Variants in DLGAP1 observed in about 807,000 individuals in gnomAD.
DLGAP1 encodes DLG associated protein 1, also known as disks large-associated protein 1.
A neutral mutation model predicts 90.8 loss-of-function variants in DLGAP1; 11 were observed. The ratio of observed to expected loss-of-function variants is 0.12; its 90% CI spans 0.08 to 0.20. The LOEUF is 0.20. Ranked by LOEUF, DLGAP1 falls within the 10% of genes least tolerant of loss-of-function variation. The pLI is 1.00. For synonymous variants in DLGAP1, 558 were observed against 540.7 expected (o/e 1.03, Z -0.44); for missense variants, 1,050 against 1,333.8 (o/e 0.79, Z 3.31).
At chr18:4,203,111 T>C (rs1027869087) in intron 1 of DLGAP1, among the ~76,000 whole-genome samples, 5 of 152,030 alleles carry the variant, frequency 3.3e-5, no homozygotes, top group Admixed American at 6.6e-5. Context: ...CTGTCTCTAC[T>C]AAAAATACAA....
At chr18:3,807,830 C>CT (rs2148382964) in intron 5 of DLGAP1, among the ~76,000 whole-genome samples, 1 of 152,298 alleles carries the variant, frequency 6.6e-6, no homozygotes, top group East Asian at 1.9e-4. Flanking sequence ...ATTCTTTTGC[C>CT]TCCTTTAAAG....
chr18:4,305,361 C>T (rs1001765791), intron 1 of DLGAP1, among the ~76,000 whole-genome samples: 1 of 151,814 alleles, frequency 6.6e-6, no homozygotes. Flanking sequence ...GTGGTGAAAC[C>T]CTGTCTCTAC....
Position 4,028,333 on chromosome 18 carries a change from T to A in DLGAP1, c.-158-23132A>T, listed in dbSNP as rs532046862. 5.3e-5 allele frequency among the ~76,000 whole-genome samples: 8 copies of A among 152,302 alleles called. No homozygotes were observed. The South Asian group carries it at 1.2e-3, about 24-fold the overall frequency. ...AAAAACACATAATAGACCATAAAAG[T>A]GACATGTGGAAAGCAGCATTACCTT... On this transcript the variant is annotated intron_variant, in intron 2 of 12. Coordinates refer to ENST00000315677, the MANE Select transcript of DLGAP1 (RefSeq NM_004746.4).
chr18:3,764,504 C>T (rs113350506), intron 5 of DLGAP1, among the ~76,000 whole-genome samples: 1,633 of 152,298 alleles, frequency 0.011, 37 homozygotes, highest in African/African-American at 0.038. Context: ...TAAGTACAGT[C>T]ACATTCCTGT....
At chr18:3,525,250 C>T (rs965756852) in intron 10 of DLGAP1, among the ~76,000 whole-genome samples, 8 of 151,766 alleles carry the variant, frequency 5.3e-5, no homozygotes, top group African/African-American at 1.5e-4. Flanking sequence ...ATATCAGCCA[C>T]GAAATGGTAG....
chr18:3,677,859 A>G (rs1011358826), intron 7 of DLGAP1, among the ~76,000 whole-genome samples: 4 of 150,946 alleles, frequency 2.6e-5, no homozygotes, highest in African/African-American at 9.8e-5. Context: ...AGGTTTCACC[A>G]TGTTGGCCAG....
intron 3 of DLGAP1, among the ~76,000 whole-genome samples, chr18:3,933,713 G>T (rs919149448): frequency 1.3e-5 from 2 of 152,174 alleles, no homozygotes; most frequent in Non-Finnish European, 2.9e-5. Flanking sequence ...CTAAAGACAT[G>T]GTGTGAATGC....
intron 4 of DLGAP1, among the ~76,000 whole-genome samples, chr18:3,854,619 C>T (rs546333041): frequency 1.3e-5 from 2 of 152,318 alleles, no homozygotes; most frequent in South Asian, 4.1e-4. Context: ...ACATCAGTAA[C>T]CAGTGGCCCT....
chr18:3,828,508 C>T (rs1234287842), intron 4 of DLGAP1, among the ~76,000 whole-genome samples: 3 of 151,658 alleles, frequency 2.0e-5, no homozygotes, highest in Admixed American at 1.3e-4. Context: ...GGTGTGGAGG[C>T]ATGTGCCTGT....
At position 3,954,185 on chromosome 18, in the gene DLGAP1, T is replaced by C. The variant is rs114382645; in HGVS notation, c.-73+50931A>G. Among the ~76,000 whole-genome samples the C allele has an allele frequency of 8.9e-4, 135 of 152,338 alleles. 1 individual carries two copies. In the Middle Eastern group the frequency reaches 0.017, roughly 19 times the overall value. The stretch of plus-strand genomic sequence containing the variant: ...GGTCAAATGTGGAAAAGATAAAGAC[T>C]TCAAGAATTAAGAGATCAAGTATTT... On this transcript the variant is annotated intron_variant, in intron 3 of 12. Transcript: ENST00000315677.
At chr18:4,246,346 G>A (rs1030341753) in intron 1 of DLGAP1, among the ~76,000 whole-genome samples, 5 of 152,120 alleles carry the variant, frequency 3.3e-5, no homozygotes, top group Non-Finnish European at 5.9e-5. Flanking sequence ...GAATTTCTAG[G>A]ACAAAGCATT....
intron 1 of DLGAP1, among the ~76,000 whole-genome samples, chr18:4,236,581 ATAGCT>A (rs1220038979): frequency 6.6e-6 from 1 of 152,214 alleles, no homozygotes; most frequent in Non-Finnish European, 1.5e-5. Flanking sequence ...GCTGCACTTT[ATAGCT>A]TAGACTCTTT....
chr18:3,507,321 TAAAACAAA>T (rs1338372114), intron 11 of DLGAP1, among the ~76,000 whole-genome samples: 1 of 148,162 alleles, frequency 6.7e-6, no homozygotes, highest in Non-Finnish European at 1.5e-5. Flanking sequence ...CCGTCTCTAC[TAAAACAAA>T]ACAAAACAAA....
chr18:4,417,085 T>C lies in DLGAP1; in HGVS notation c.-267+37921A>G, dbSNP rs145775683. Among the ~76,000 whole-genome samples, 1,305 of 152,230 alleles carry C rather than the reference T, an allele frequency of 8.6e-3. 8 individuals carry two copies. Among genetic ancestry groups the C allele is most frequent in the Non-Finnish European group, 0.014 (967 of 68,002 alleles). On this transcript the variant is annotated intron_variant, in intron 1 of 12. Coordinates refer to ENST00000315677, the MANE Select transcript of DLGAP1 (RefSeq NM_004746.4). ...GGAGTCTGTAAGATCAAAACTATTT[T>C]TGTAATATTACTAAGATGCCATTTC...
At chr18:4,189,786 G>C (rs1164212615) in intron 1 of DLGAP1, among the ~76,000 whole-genome samples, 1 of 152,072 alleles carries the variant, frequency 6.6e-6, no homozygotes, top group Non-Finnish European at 1.5e-5. Flanking sequence ...GAACAGAATA[G>C]AGAGCCCAGA....
At chr18:3,850,102 C>G (rs1266030953) in intron 4 of DLGAP1, among the ~76,000 whole-genome samples, 2 of 151,352 alleles carry the variant, frequency 1.3e-5, no homozygotes, top group Non-Finnish European at 2.9e-5. Flanking sequence ...TGCAGTGGCT[C>G]ACGTCTGTAA....
chr18:3,780,603 A>C (rs867600800), intron 5 of DLGAP1, among the ~76,000 whole-genome samples: 9 of 152,160 alleles, frequency 5.9e-5, no homozygotes, highest in African/African-American at 2.2e-4. Flanking sequence ...ATCATTCCAG[A>C]TAATCTCCCT....
At chr18:3,878,551 G>A (rs977188078) in intron 4 of DLGAP1, among the ~76,000 whole-genome samples, 1 of 152,170 alleles carries the variant, frequency 6.6e-6, no homozygotes, top group Non-Finnish European at 1.5e-5. Context: ...CACCTCCTCA[G>A]GGCACAGGGC....
chr18:4,433,682 T>C (rs1053502779), intron 1 of DLGAP1, among the ~76,000 whole-genome samples: 11 of 152,304 alleles, frequency 7.2e-5, no homozygotes, highest in Admixed American at 7.2e-4. Context: ...TCACTTTGAC[T>C]CATTTACTCT....
Sources: gnomAD v4.1 joint callset for allele counts (sites outside exome capture counted in the v4.1 genomes callset) on GRCh38, gnomAD v4.1.1 for gene constraint, MANE v1.5 for transcripts, NCBI Gene and HGNC (gene_info 2026-07-23, HGNC 2026-07-21) for gene names.